GADL1: variants seen among roughly 807,000 people sequenced by gnomAD.
The protein encoded by GADL1 is acidic amino acid decarboxylase GADL1.
GADL1 carries 71 observed loss-of-function variants against 69.5 expected under a neutral mutation model. The ratio of observed to expected loss-of-function variants is 1.02; its 90% CI spans 0.84 to 1.25. GADL1 has a LOEUF of 1.25. Among genes scored for constraint, GADL1 ranks in the 50% most tolerant of loss-of-function variants. The pLI is 0.00. For missense variants in GADL1, 737 were observed against 631.8 expected (o/e 1.17, Z -1.79); for synonymous variants, 254 against 214.4 (o/e 1.18, Z -1.62).
chr3:30,841,692 T>A (rs189798839), intron 8 of GADL1, among the ~76,000 whole-genome samples: 2 of 152,070 alleles, frequency 1.3e-5, no homozygotes, highest in African/African-American at 4.8e-5. Context: ...CTTAATGAAA[T>A]AATGGGTCTA....
intron 2 of GADL1, among the ~76,000 whole-genome samples, chr3:30,858,894 G>A (rs1012272950): frequency 6.6e-6 from 1 of 151,990 alleles, no homozygotes; most frequent in Non-Finnish European, 1.5e-5. Flanking sequence ...CTGTCCTGTG[G>A]AGGGCACGCC....
intron 14 of GADL1, among the ~76,000 whole-genome samples, chr3:30,764,524 G>T (rs929091333): frequency 1.3e-5 from 2 of 152,136 alleles, no homozygotes; most frequent in East Asian, 3.9e-4. Flanking sequence ...CGTACTACTT[G>T]GTCCCTTGTT....
intron 12 of GADL1, among the ~76,000 whole-genome samples, chr3:30,796,996 G>T (rs1697046612): frequency 6.6e-6 from 1 of 152,160 alleles, no homozygotes; most frequent in Admixed American, 6.5e-5. Context: ...AAAAGGCAGA[G>T]GGCACTTCCC....
intron 11 of GADL1, among the ~76,000 whole-genome samples, chr3:30,807,759 T>C (rs752098062): frequency 6.6e-6 from 1 of 152,172 alleles, no homozygotes; most frequent in Non-Finnish European, 1.5e-5. Flanking sequence ...CCGGGTGCAG[T>C]AGTGGCTCAT....
At chr3:30,746,257 T>G (rs916481592) in intron 14 of GADL1, among the ~76,000 whole-genome samples, 1 of 152,146 alleles carries the variant, frequency 6.6e-6, no homozygotes, top group African/African-American at 2.4e-5. Flanking sequence ...CCTCCCAAAG[T>G]GCTGAAATTA....
rs771154840 is a variant in GADL1, at chr3:30,778,161, C to T, written c.1392+18G>A. 13 of 1,385,694 alleles carry T rather than the reference C, an allele frequency of 9.4e-6. No homozygotes were observed. In the South Asian group the frequency reaches 1.5e-4, roughly 16 times the overall value. 85.8% of individuals were successfully genotyped at this position (1,385,694 alleles called of 1,614,324 possible). On this transcript the variant is annotated intron_variant, in intron 14 of 14. Transcript: ENST00000282538. ...TCTACTTCATCAAAAAGAAAAATAC[C>T]ATTTACTTATTACTTACCAAATTAA...
chr3:30,779,939 A>T (rs1342590511), intron 13 of GADL1, among the ~76,000 whole-genome samples: 1 of 152,154 alleles, frequency 6.6e-6, no homozygotes, highest in Non-Finnish European at 1.5e-5. Context: ...GCTCACTTTC[A>T]TGGGTCTCCT....
chr3:30,855,448 C>T (rs992233011), intron 3 of GADL1, among the ~76,000 whole-genome samples: 1 of 152,032 alleles, frequency 6.6e-6, no homozygotes, highest in Non-Finnish European at 1.5e-5. Context: ...GGCTATGGCA[C>T]TGAGCAGCCT....
chr3:30,868,360 A>G (rs1051145260), intron 1 of GADL1, among the ~76,000 whole-genome samples: 4 of 152,006 alleles, frequency 2.6e-5, no homozygotes, highest in African/African-American at 9.7e-5. Flanking sequence ...CCAACTCTCA[A>G]CATGGTGAAC....
chr3:30,803,640 A>G (rs1697200966), intron 11 of GADL1, among the ~76,000 whole-genome samples: 1 of 152,244 alleles, frequency 6.6e-6, no homozygotes, highest in African/African-American at 2.4e-5. Flanking sequence ...TGCAATAGTG[A>G]CAGTTAATTT....
At chr3:30,827,644 T>C (rs1697704867) in intron 11 of GADL1, among the ~76,000 whole-genome samples, 1 of 151,956 alleles carries the variant, frequency 6.6e-6, no homozygotes, top group Admixed American at 6.6e-5. Flanking sequence ...TTGTGATTAC[T>C]GATGAAATCG....
intron 1 of GADL1, among the ~76,000 whole-genome samples, chr3:30,891,197 G>A (rs1390074047): frequency 6.6e-6 from 1 of 152,074 alleles, no homozygotes; most frequent in Admixed American, 6.5e-5. Flanking sequence ...CTGTTATAGA[G>A]AGTTCATCCC....
chr3:30,882,349 C>T (rs558330373), intron 1 of GADL1, among the ~76,000 whole-genome samples: 28 of 151,968 alleles, frequency 1.8e-4, no homozygotes, highest in African/African-American at 6.3e-4. Flanking sequence ...CCTTCCCCCT[C>T]GCAATCCACT....
At chr3:30,766,388 T>C (rs1696277729) in intron 14 of GADL1, among the ~76,000 whole-genome samples, 1 of 152,218 alleles carries the variant, frequency 6.6e-6, no homozygotes, top group African/African-American at 2.4e-5. Context: ...GGTAATGCTC[T>C]ACTGTGGCCA....
chr3:30,782,230 C>T (rs1698947), intron 13 of GADL1, among the ~76,000 whole-genome samples: 1 of 152,062 alleles, frequency 6.6e-6, no homozygotes, highest in Non-Finnish European at 1.5e-5. Flanking sequence ...TAGATCTCAT[C>T]TTTGAAAAGC....
intron 3 of GADL1, among the ~76,000 whole-genome samples, chr3:30,856,616 G>C (rs536330684): frequency 3.9e-5 from 6 of 152,078 alleles, no homozygotes; most frequent in African/African-American, 1.4e-4. Flanking sequence ...GATACCTTTT[G>C]AACACTTTTT....
chr3:30,886,578 A>G (rs1415028828), intron 1 of GADL1, among the ~76,000 whole-genome samples: 1 of 152,002 alleles, frequency 6.6e-6, no homozygotes, highest in Non-Finnish European at 1.5e-5. Context: ...GAAGGAGGGG[A>G]CTCTGACCTA....
At chr3:30,856,763 G>A (rs1302647216) in intron 3 of GADL1, among the ~76,000 whole-genome samples, 1 of 151,994 alleles carries the variant, frequency 6.6e-6, no homozygotes, top group African/African-American at 2.4e-5. Context: ...ACTAGTATGT[G>A]GGGGTTGGCA....
chr3:30,785,388 T>C (rs9846346), intron 13 of GADL1, among the ~76,000 whole-genome samples: 1 of 130,766 alleles, frequency 7.6e-6, no homozygotes, highest in Non-Finnish European at 1.5e-5. Context: ...TTTTCTTTTT[T>C]TTTTTTTCCC....
Sources: allele counts gnomAD v4.1 joint callset (sites outside exome capture counted in the v4.1 genomes callset), GRCh38; gene constraint gnomAD v4.1.1; transcripts MANE v1.5; gene names NCBI Gene and HGNC (gene_info 2026-07-23, HGNC 2026-07-21).